PCDH15: variants seen among roughly 807,000 people sequenced by gnomAD.
PCDH15 encodes the protein protocadherin related 15.
Under a neutral mutation model 178.5 loss-of-function variants are expected in PCDH15, and 129 were observed. The ratio of observed to expected loss-of-function variants is 0.72; its 90% CI spans 0.63 to 0.84. The LOEUF is 0.84. PCDH15 is among the 40% of genes least tolerant of loss of function. The pLI is 0.00. For synonymous variants in PCDH15, 800 were observed against 732.0 expected (o/e 1.09, Z -1.50); for missense variants, 2,230 against 2,099.9 (o/e 1.06, Z -1.21).
intron 1 of PCDH15, among the ~76,000 whole-genome samples, chr10:55,221,718 A>T (rs1455740263): frequency 1.3e-5 from 2 of 152,110 alleles, no homozygotes; most frequent in African/African-American, 4.8e-5. Context: ...ACATGTATGC[A>T]CGTCCTCCAT....
intron 2 of PCDH15, among the ~76,000 whole-genome samples, chr10:55,080,319 C>G (rs925043188): frequency 1.3e-5 from 2 of 152,080 alleles, no homozygotes; most frequent in African/African-American, 2.4e-5. Context: ...GAGTGCAAAC[C>G]CTATTGTAAA....
At chr10:54,115,034 G>A (rs934720467) in intron 15 of PCDH15, among the ~76,000 whole-genome samples, 19 of 152,144 alleles carry the variant, frequency 1.2e-4, no homozygotes, top group South Asian at 4.1e-4. Context: ...AGGGCAGGGC[G>A]GTGGGCTGGA....
chr10:54,177,240 C>T (rs2047524915), intron 13 of PCDH15, among the ~76,000 whole-genome samples: 2 of 151,882 alleles, frequency 1.3e-5, no homozygotes, highest in Non-Finnish European at 2.9e-5. Flanking sequence ...ATCATGGAGA[C>T]TGTAGAAAGA....
chr10:54,288,366 C>CT (rs141215517), intron 8 of PCDH15, among the ~76,000 whole-genome samples: 28,886 of 151,818 alleles, frequency 0.19, 3,189 homozygotes, highest in African/African-American at 0.29. Context: ...GAGAAACATC[C>CT]TTTTTTCTGG....
intron 17 of PCDH15, among the ~76,000 whole-genome samples, chr10:54,073,841 C>A (rs1276420675): frequency 5.3e-5 from 8 of 152,166 alleles, no homozygotes; most frequent in Non-Finnish European, 1.2e-4. Context: ...TTATTTATAT[C>A]TTTCACTGTG....
intron 3 of PCDH15, among the ~76,000 whole-genome samples, 199 bp downstream of exon 3, chr10:54,527,609 TTGAA>T (rs1476485878): frequency 2.6e-5 from 4 of 152,132 alleles, no homozygotes; most frequent in African/African-American, 9.6e-5. Flanking sequence ...TTTATATTAA[TTGAA>T]TGAGACTTTT....
At chr10:54,468,548 T>C (rs917659001) in intron 3 of PCDH15, among the ~76,000 whole-genome samples, 1 of 152,180 alleles carries the variant, frequency 6.6e-6, no homozygotes, top group African/African-American at 2.4e-5. Flanking sequence ...AAATTGAGAC[T>C]TGTTTTATGT....
chr10:54,942,326 C>G (rs139989496), intron 2 of PCDH15, among the ~76,000 whole-genome samples: 12 of 152,086 alleles, frequency 7.9e-5, no homozygotes, highest in African/African-American at 2.9e-4. Context: ...GTTTGCATTG[C>G]TTCTATCAGA....
At chr10:54,524,107 C>T (rs2083147265) in intron 3 of PCDH15, among the ~76,000 whole-genome samples, 1 of 152,166 alleles carries the variant, frequency 6.6e-6, no homozygotes. Flanking sequence ...CCCCAAATAA[C>T]TTTTAAAAAA....
chr10:54,722,424 C>T (rs1038903973), intron 1 of PCDH15, among the ~76,000 whole-genome samples: 14 of 151,694 alleles, frequency 9.2e-5, no homozygotes, highest in African/African-American at 3.4e-4. Context: ...GTTAATTTAA[C>T]TAGCAGTCAA....
chr10:54,527,754 T>C, intron 3 of PCDH15, 58 bp downstream of exon 3: 1 of 1,433,288 alleles, frequency 7.0e-7, no homozygotes, highest in East Asian at 2.3e-5. Context: ...GATTGAGAAT[T>C]AAAATCTGAA....
At chr10:53,890,422 G>A (rs1589272180) in intron 26 of PCDH15, among the ~76,000 whole-genome samples, 1 of 152,014 alleles carries the variant, frequency 6.6e-6, no homozygotes, top group East Asian at 1.9e-4. Context: ...GTGAGACACT[G>A]TCTCAAAAAA....
At chr10:55,140,844 C>T (rs6481145) in intron 2 of PCDH15, among the ~76,000 whole-genome samples, 79,127 of 151,678 alleles carry the variant, frequency 0.52, 21,144 homozygotes, top group South Asian at 0.63. Flanking sequence ...GCAATGGGTT[C>T]ATTTCATCTA....
intron 1 of PCDH15, among the ~76,000 whole-genome samples, chr10:55,255,186 A>T (rs959289589): frequency 6.6e-6 from 1 of 151,770 alleles, no homozygotes; most frequent in Admixed American, 6.6e-5. Flanking sequence ...CCCACCTATG[A>T]GTTAGAACAT....
chr10:55,187,440 T>C (rs1839829094), intron 1 of PCDH15, among the ~76,000 whole-genome samples: 1 of 151,914 alleles, frequency 6.6e-6, no homozygotes, highest in Non-Finnish European at 1.5e-5. Flanking sequence ...GTCTTGTGAA[T>C]ATGTGGTGAT....
At chr10:55,612,152 A>G (rs1313568891) in intron 2 of PCDH15, among the ~76,000 whole-genome samples, 1 of 152,090 alleles carries the variant, frequency 6.6e-6, no homozygotes, top group African/African-American at 2.4e-5. Flanking sequence ...ATATACTTCA[A>G]AATTGCTAAA....
chr10:54,245,882 A>G (rs1262434968), intron 8 of PCDH15, among the ~76,000 whole-genome samples: 1 of 152,054 alleles, frequency 6.6e-6, no homozygotes, highest in Admixed American at 6.6e-5. Flanking sequence ...TGTACAATAT[A>G]CAATTTGCTT....
chr10:53,812,144 T>TCC (rs780364522), intron 35 of PCDH15, among the ~76,000 whole-genome samples: 2 of 152,212 alleles, frequency 1.3e-5, no homozygotes, highest in African/African-American at 2.4e-5. Flanking sequence ...TAATGTGTAA[T>TCC]GCTTCCCAAG....
intron 3 of PCDH15, among the ~76,000 whole-genome samples, chr10:54,472,947 T>A (rs78218204): frequency 0.013 from 2,018 of 152,260 alleles, 34 homozygotes; most frequent in African/African-American, 0.046. Flanking sequence ...TCTATAACCA[T>A]TCTTCACCAT....
Sources: allele counts gnomAD v4.1 joint callset (sites outside exome capture counted in the v4.1 genomes callset), GRCh38; gene constraint gnomAD v4.1.1; transcripts MANE v1.5; gene names NCBI Gene and HGNC (gene_info 2026-07-23, HGNC 2026-07-21).